Variants in AKAP8L observed in about 807,000 individuals in gnomAD.
The protein encoded by AKAP8L is A-kinase anchoring protein 8 like, also known as A-kinase anchor protein 8-like.
AKAP8L carries 34 observed loss-of-function variants against 77.5 expected under a neutral mutation model. The ratio of observed to expected loss-of-function variants is 0.44; its 90% CI spans 0.33 to 0.58. AKAP8L has a LOEUF of 0.58. Among genes scored for constraint, AKAP8L ranks in the 20% least tolerant of loss-of-function variants. AKAP8L has a pLI of 0.02. For missense variants in AKAP8L, 806 were observed against 887.6 expected (o/e 0.91, Z 1.17); for synonymous variants, 342 against 340.7 (o/e 1.00, Z -0.04).
intron 12 of AKAP8L, among the ~76,000 whole-genome samples, chr19:15,382,587 A>G (rs940293461): frequency 6.6e-5 from 10 of 152,172 alleles, no homozygotes; most frequent in African/African-American, 1.9e-4. Context: ...GATTTGCATT[A>G]TACTTACCAG....
At chr19:15,406,365 GAGAGAGA>G (rs1967998604) in intron 2 of AKAP8L, among the ~76,000 whole-genome samples, 2 of 114,674 alleles carry the variant, frequency 1.7e-5, no homozygotes, top group African/African-American at 6.7e-5. Context: ...ATTTTAAGGA[GAGAGAGA>G]GAGAGAGAGA....
chr19:15,385,476 C>T (rs568974071), intron 12 of AKAP8L, among the ~76,000 whole-genome samples: 4 of 152,176 alleles, frequency 2.6e-5, no homozygotes, highest in Non-Finnish European at 4.4e-5. Context: ...CCACCGCGCC[C>T]GGCAACTGTT....
At position 15,401,184 on chromosome 19, in the gene AKAP8L, C is replaced by T. The variant is rs370436991; in HGVS notation, c.782G>A (p.Arg261Gln). The T allele has an allele frequency of 9.3e-6, 15 of 1,608,944 alleles. No individual in the cohort carries two copies. The highest frequency in any genetic ancestry group is 4.0e-5 in the African/African-American group (3 of 74,890). The change falls in exon 5 of 14, where the codon CGG (arginine) becomes CAG (glutamine). Residue 261 changes from arginine (R) to glutamine (Q), a missense_variant. By Grantham distance (43) the Arg-to-Gln change is conservative. This residue lies in a region of AKAP8L where 580 missense variants were observed against 694.1 expected (regional missense o/e 0.84). Transcript: ENST00000397410. This position sits in a 1 kb window ranked among gnomAD's most constrained non-coding sequence, Gnocchi z 6.2. Reference protein sequence around the residue: ...GFGNGMKQMRRTWKTWTTADF... With the variant: ...GFGNGMKQMRQTWKTWTTADF... ...GGCTGTGGTCCAGGTCTTCCAGGTC[C>T]GCCTCATCTGCTTCATGCCATTGCC...
chr19:15,400,201 G>A (rs995097931), intron 8 of AKAP8L, 94 bp downstream of exon 8: 51 of 1,349,558 alleles, frequency 3.8e-5, no homozygotes, highest in East Asian at 6.9e-5. Context: ...CCAACTGGCC[G>A]CATGTCTGCC....
intron 1 of AKAP8L, among the ~76,000 whole-genome samples, chr19:15,412,610 C>T (rs534421160): frequency 2.6e-4 from 40 of 152,276 alleles, no homozygotes; most frequent in African/African-American, 6.5e-4. Context: ...GGCACGATCT[C>T]GGCTCACTGC....
intron 12 of AKAP8L, among the ~76,000 whole-genome samples, chr19:15,390,908 G>A (rs562293771): frequency 6.6e-6 from 1 of 152,268 alleles, no homozygotes; most frequent in East Asian, 1.9e-4. Context: ...AGAAGGGAAC[G>A]TCTTCAACTC....
intron 2 of AKAP8L, among the ~76,000 whole-genome samples, chr19:15,410,182 A>C (rs1351909019): frequency 6.6e-6 from 1 of 152,062 alleles, no homozygotes; most frequent in Non-Finnish European, 1.5e-5. Flanking sequence ...ACCTCAAGTG[A>C]TCCACCCGCC....
In AKAP8L at chr19:15,401,416, C is replaced by A; in HGVS notation, c.550G>T (p.Ala184Ser). The change falls in exon 5 of 14, where the codon GCC (alanine) becomes TCC (serine). Residue 184 changes from alanine (A) to serine (S), a missense_variant. Transcript: ENST00000397410. This position sits in a 1 kb window ranked among gnomAD's most constrained non-coding sequence, Gnocchi z 6.2. ...DTFGPRAQGW[A>S]RDARSGRPMA... is the part of the protein sequence containing the mutation. ...GGCCGGCCGCTCCGGGCATCCCGGG[C>A]CCAGCCCTGTGCCCTGGGACCGAAG... is the stretch of plus-strand genomic sequence containing the variant. The A allele has an allele frequency of 1.9e-6, 3 of 1,613,388 alleles. No homozygotes were observed. Among genetic ancestry groups the A allele is most frequent in the Non-Finnish European group, 2.5e-6 (3 of 1,179,886 alleles).
At chr19:15,417,772 C>T (rs1320270882) in intron 1 of AKAP8L, 1 of 152,192 alleles carries the variant, frequency 6.6e-6, no homozygotes, top group Non-Finnish European at 1.5e-5. Flanking sequence ...ACCTGGCAAC[C>T]ACACACGCTC....
intron 12 of AKAP8L, among the ~76,000 whole-genome samples, chr19:15,394,022 C>T (rs1280226634): frequency 1.3e-5 from 2 of 151,822 alleles, no homozygotes; most frequent in Non-Finnish European, 2.9e-5. Flanking sequence ...GGAAAATAGT[C>T]TCACAAGTTA....
Position 15,399,283 on chromosome 19 carries a change from G to C in AKAP8L, c.1157+19C>G, listed in dbSNP as rs374739115. On this transcript the variant is annotated intron_variant, in intron 9 of 13. Transcript: ENST00000397410. The surrounding 1 kb of genome is among the most constrained non-coding windows in gnomAD (Gnocchi z 6.1). The stretch of plus-strand genomic sequence containing the variant: ...CCCACAGCGAGGCAGAGGCAGAGGG[G>C]TGGAGGGAAGCTGGTTACCTTTCCA... 40 of 1,602,750 alleles carry C rather than the reference G, an allele frequency of 2.5e-5. No homozygotes were observed. Among genetic ancestry groups the C allele is most frequent in the Non-Finnish European group, 3.3e-5 (39 of 1,169,844 alleles).
At chr19:15,380,694 A>ACC in intron 12 of AKAP8L, 82 bp from the exon 13 acceptor site, 3 of 1,324,964 alleles carry the variant, frequency 2.3e-6, no homozygotes, top group Non-Finnish European at 2.1e-6. Flanking sequence ...GCTTAGAGGG[A>ACC]CCCCACCCCG....
In AKAP8L at chr19:15,401,104, C is replaced by A; in HGVS notation, c.816+46G>T. Reference sequence around the variant, plus strand: ...ATGGCACCCGGCCCTTAGCTCCGCCCCAGTGGGAACTAAGCTTCCCAGAGG... The same window carrying A: ...ATGGCACCCGGCCCTTAGCTCCGCCACAGTGGGAACTAAGCTTCCCAGAGG... On this transcript the variant is annotated intron_variant, in intron 5 of 13. Transcript: ENST00000397410. This position sits in a 1 kb window ranked among gnomAD's most constrained non-coding sequence, Gnocchi z 6.2. The A allele has an allele frequency of 6.2e-7, 1 of 1,607,030 alleles. No homozygotes were observed. Among genetic ancestry groups the A allele is most frequent in the Non-Finnish European group, 8.5e-7 (1 of 1,179,604 alleles).
chr19:15,397,780 CT>C lies in AKAP8L; in HGVS notation c.1232del (p.Lys411SerfsTer10). 1 of 1,614,016 alleles carries C rather than the reference CT, an allele frequency of 6.2e-7. No individual in the cohort carries two copies. Among genetic ancestry groups the C allele is most frequent in the South Asian group, 1.1e-5 (1 of 91,090 alleles). On this transcript the variant is annotated frameshift_variant, in exon 10 of 14. Transcript: ENST00000397410. LOFTEE classifies it high-confidence loss of function. This position sits in a 1 kb window ranked among gnomAD's most constrained non-coding sequence, Gnocchi z 4.7. ...EDEMASHLDS[K>X]FHKEHFKYVG... ...CGTACTTAAAGTGTTCCTTGTGGAA[CT>C]TGCTGTCAAGATGGCTGGCCATCTC...
chr19:15,405,079 C>G (rs1967969878), intron 2 of AKAP8L, among the ~76,000 whole-genome samples: 1 of 152,228 alleles, frequency 6.6e-6, no homozygotes, highest in Admixed American at 6.5e-5. Context: ...GCACAGGGAA[C>G]AGAGGCTTGC....
At chr19:15,386,838 T>C (rs895363921) in intron 12 of AKAP8L, among the ~76,000 whole-genome samples, 4 of 152,276 alleles carry the variant, frequency 2.6e-5, no homozygotes, top group Middle Eastern at 3.4e-3. Flanking sequence ...TTTGTATTTT[T>C]AGTAAAGATG....
At position 15,380,218 on chromosome 19, in the gene AKAP8L, G is replaced by A; in HGVS notation, c.1845C>T (p.Ala615=). The A allele has an allele frequency of 6.6e-7, 1 of 1,508,310 alleles. No homozygotes were observed. The highest frequency in any genetic ancestry group is 8.8e-7 in the Non-Finnish European group (1 of 1,136,858). 93.4% of individuals were successfully genotyped at this position (1,508,310 alleles called of 1,614,324 possible). The change falls in exon 14 of 14, where the codon GCC becomes GCT. Residue 615 remains alanine (A), a synonymous_variant. Coordinates refer to ENST00000397410, the MANE Select transcript of AKAP8L (RefSeq NM_014371.4). ...GCAGCGCCCCTCCCAGCAAGGGCAC[G>A]GCGCCCTCCTCCTCCTCCTCTGGGG... is the stretch of plus-strand genomic sequence containing the variant. ...PPPPEEEEEG[A]VPLLGGALQR...
intron 12 of AKAP8L, among the ~76,000 whole-genome samples, chr19:15,394,892 G>T (rs1438274644): frequency 2.0e-5 from 3 of 151,560 alleles, no homozygotes; most frequent in Non-Finnish European, 4.4e-5. Context: ...ATGACTTCTG[G>T]TGCCTTCTAA....
In AKAP8L at chr19:15,403,527, G is replaced by A. The variant is rs1342758161; in HGVS notation, c.310C>T (p.His104Tyr). 1.2e-6 allele frequency: 2 copies of A among 1,614,002 alleles called. No individual in the cohort carries two copies. Among genetic ancestry groups the A allele is most frequent in the Non-Finnish European group, 1.7e-6 (2 of 1,179,892 alleles). Residue 104 changes from histidine to tyrosine, a missense_variant, in exon 4 of 14, where the codon CAT becomes TAT. Physicochemically the swap from His to Tyr is moderately conservative, Grantham distance 83. Around this residue, in one of 2 missense-constraint regions of AKAP8L, gnomAD observed 580 missense variants for 694.1 expected, o/e 0.84. Coordinates refer to ENST00000397410, the MANE Select transcript of AKAP8L (RefSeq NM_014371.4). The surrounding 1 kb of genome is among the most constrained non-coding windows in gnomAD (Gnocchi z 4.3). The stretch of plus-strand genomic sequence containing the variant: ...CCTTGCATCATGTCTGTCTCCAAAT[G>A]CGGCACCATATCTAAGCGCTGGTTA... The part of the protein sequence containing the change: ...RINQRLDMVP[H>Y]LETDMMQGGV...
Sources: allele counts gnomAD v4.1 joint callset (sites outside exome capture counted in the v4.1 genomes callset), GRCh38; gene constraint gnomAD v4.1.1; regional missense constraint gnomAD v4.1.1; non-coding constraint Gnocchi (gnomAD v3.1); transcripts MANE v1.5; gene names NCBI Gene and HGNC (gene_info 2026-07-23, HGNC 2026-07-21).